ROBO2: variants seen among roughly 807,000 people sequenced by gnomAD.
The protein encoded by ROBO2 is roundabout homolog 2.
A neutral mutation model predicts 160.8 loss-of-function variants in ROBO2; 53 were observed. That is an observed-to-expected ratio of 0.33 (90% CI 0.26 to 0.41). The LOEUF is 0.41. Among genes scored for constraint, ROBO2 ranks in the 10% least tolerant of loss-of-function variants. ROBO2 has a pLI of 1.00. For synonymous variants in ROBO2, 664 were observed against 611.7 expected (o/e 1.09, Z -1.26); for missense variants, 1,577 against 1,722.4 (o/e 0.92, Z 1.49).
chr3:76,590,097 T>G (rs1343198469), intron 2 of ROBO2, among the ~76,000 whole-genome samples: 1 of 152,056 alleles, frequency 6.6e-6, no homozygotes, highest in East Asian at 1.9e-4. Context: ...TGTAATAGAC[T>G]CTCATGTATT....
At chr3:76,098,110 A>G (rs991416860) in intron 2 of ROBO2, among the ~76,000 whole-genome samples, 1 of 152,264 alleles carries the variant, frequency 6.6e-6, no homozygotes, top group East Asian at 1.9e-4. Context: ...CAGTGTCATC[A>G]TGTAGGTGTA....
intron 23 of ROBO2, among the ~76,000 whole-genome samples, chr3:77,623,794 T>C (rs940094052): frequency 6.6e-6 from 1 of 152,212 alleles, no homozygotes; most frequent in Non-Finnish European, 1.5e-5. Context: ...ATTTCACTAA[T>C]GATACTGAAC....
chr3:75,937,841 T>TTATATATATATACATATATA (rs1553704458), intron 2 of ROBO2, among the ~76,000 whole-genome samples: 2 of 105,524 alleles, frequency 1.9e-5, no homozygotes, highest in East Asian at 5.8e-4. Flanking sequence ...GGAATTGATT[T>TTATATATATATACATATATA]TATATATATA....
At chr3:76,592,290 T>TA (rs1295293457) in intron 2 of ROBO2, among the ~76,000 whole-genome samples, 3 of 152,096 alleles carry the variant, frequency 2.0e-5, no homozygotes, top group African/African-American at 7.2e-5. Flanking sequence ...TTATACTTTT[T>TA]AACCAATTCC....
chr3:76,652,129 C>G lies in ROBO2; in HGVS notation c.110-445885C>G, dbSNP rs554744845. On this transcript the variant is annotated intron_variant, in intron 2 of 26. Transcript: ENST00000487694. ...TTAGCCATTAGTAAAAGACTATGCTCTCATTAGGAGACCAAAGGCTAACTC... is the reference window on the plus strand; with the variant it reads ...TTAGCCATTAGTAAAAGACTATGCTGTCATTAGGAGACCAAAGGCTAACTC... Among the ~76,000 whole-genome samples the G allele has an allele frequency of 1.7e-4, 26 of 152,260 alleles. No individual in the cohort carries two copies. The South Asian group carries it at 3.9e-3, about 23-fold the overall frequency.
At chr3:76,655,438 C>CTATATATATATATATATATATATATATA (rs1192030281) in intron 2 of ROBO2, among the ~76,000 whole-genome samples, 11 of 14,986 alleles carry the variant, frequency 7.3e-4, no homozygotes, top group African/African-American at 1.3e-3. Flanking sequence ...GGATTTTTTT[C>CTATATATATATATATATATATATATATA]CATATATATA....
intron 2 of ROBO2, among the ~76,000 whole-genome samples, chr3:76,779,977 A>G (rs548123694): frequency 6.6e-6 from 1 of 150,934 alleles, no homozygotes; most frequent in South Asian, 2.1e-4. Flanking sequence ...ACTCCATAGT[A>G]TTTTCTATAA....
Position 77,277,157 on chromosome 3 carries a change from C to CTTCTTTCCTTCTTTCTTTCT in ROBO2, c.388+178824_388+178825insCTTCTTTCTTTCTTTCTTTC, listed in dbSNP as rs1553882840. 1.2e-3 allele frequency among the ~76,000 whole-genome samples: 107 copies of CTTCTTTCCTTCTTTCTTTCT among 88,186 alleles called. 1 individual carries two copies. The highest frequency in any genetic ancestry group is 1.7e-3 in the Non-Finnish European group (75 of 43,018). 57.9% of individuals were successfully genotyped at this position (88,186 alleles called of 152,430 possible). ...CCTTTCTTCCTTCTTTCCTTCTTTC[C>CTTCTTTCCTTCTTTCTTTCT]TTCTTTCTTTCTTTCTTTCTTTCTT... On this transcript the variant is annotated intron_variant, in intron 2 of 25. Transcript: ENST00000461745.
At chr3:76,758,706 G>T (rs1410728480) in intron 2 of ROBO2, among the ~76,000 whole-genome samples, 1 of 151,826 alleles carries the variant, frequency 6.6e-6, no homozygotes, top group African/African-American at 2.4e-5. Flanking sequence ...ACATATGGTT[G>T]ATAGGAATCT....
intron 2 of ROBO2, among the ~76,000 whole-genome samples, chr3:76,420,172 A>G (rs2075931459): frequency 6.6e-6 from 1 of 152,102 alleles, no homozygotes. Context: ...CTTGAATATT[A>G]TCATTACACT....
At chr3:76,589,578 C>T (rs2086284314) in intron 2 of ROBO2, among the ~76,000 whole-genome samples, 1 of 152,160 alleles carries the variant, frequency 6.6e-6, no homozygotes, top group Non-Finnish European at 1.5e-5. Context: ...AAACAATGTT[C>T]TCTAAACACT....
chr3:77,002,035 T>C (rs192323261), intron 2 of ROBO2, among the ~76,000 whole-genome samples: 23 of 152,268 alleles, frequency 1.5e-4, no homozygotes, highest in Middle Eastern at 3.4e-3. Context: ...TATGGTAATA[T>C]ACTTGTAGAA....
chr3:76,957,495 G>A (rs2079354216), intron 2 of ROBO2, among the ~76,000 whole-genome samples: 1 of 152,052 alleles, frequency 6.6e-6, no homozygotes, highest in African/African-American at 2.4e-5. Flanking sequence ...AATGTATGCA[G>A]ATATCTACTG....
intron 2 of ROBO2, among the ~76,000 whole-genome samples, chr3:77,196,450 A>G (rs1171879018): frequency 6.6e-6 from 1 of 151,852 alleles, no homozygotes; most frequent in East Asian, 1.9e-4. Context: ...GGTTTGAGAC[A>G]TATGCTTAAT....
chr3:77,164,886 T>TG lies in ROBO2; in HGVS notation c.388+66553dup, dbSNP rs1418799724. 2.1e-4 allele frequency among the ~76,000 whole-genome samples: 15 copies of TG among 72,620 alleles called. 1 individual carries two copies. The highest frequency in any genetic ancestry group is 4.7e-4 in the South Asian group (1 of 2,140). The allele number at this position is 72,620 out of a possible 152,430, so 47.6% of individuals were successfully genotyped here. A position where few individuals can be genotyped will look rare whatever the true frequency, so the allele number is the denominator to read the frequency against. On this transcript the variant is annotated intron_variant, in intron 2 of 25. Transcript: ENST00000461745. ...CCAGCCACCCCGTCCGGGAGGGAGG[T>TG]GGGGGGGTCAGCCCCCCGCCCGGCC...
At chr3:77,143,494 C>T (rs2076886172) in intron 2 of ROBO2, among the ~76,000 whole-genome samples, 1 of 152,092 alleles carries the variant, frequency 6.6e-6, no homozygotes, top group Admixed American at 6.5e-5. Context: ...CTGCGTCCGG[C>T]CCCACAGCTT....
At position 76,125,119 on chromosome 3, in the gene ROBO2, T is replaced by C. The variant is rs117564662; in HGVS notation, c.109+187517T>C. 4.3e-3 allele frequency among the ~76,000 whole-genome samples: 652 copies of C among 152,318 alleles called. 11 individuals are homozygous for C. The highest frequency in any genetic ancestry group is 0.028 in the Admixed American group (428 of 15,298). On this transcript the variant is annotated intron_variant, in intron 2 of 26. Coordinates refer to the ROBO2 transcript ENST00000487694. The stretch of plus-strand genomic sequence containing the variant: ...GGTATTTGGTTTTCTGTTCCTACAT[T>C]AATTTGTTTAGGATTATGGCTTCCA...
At chr3:76,823,756 A>AT (rs2066323655) in intron 2 of ROBO2, among the ~76,000 whole-genome samples, 2 of 152,188 alleles carry the variant, frequency 1.3e-5, no homozygotes, top group African/African-American at 4.8e-5. Flanking sequence ...ACATTTGGAT[A>AT]TGACACCAAT....
chr3:77,355,819 T>A lies in ROBO2; in HGVS notation c.389-121595T>A, dbSNP rs144823710. 5.1e-4 allele frequency among the ~76,000 whole-genome samples: 78 copies of A among 151,864 alleles called. No individual in the cohort carries two copies. The East Asian group carries it at 0.015, about 29-fold the overall frequency. On this transcript the variant is annotated intron_variant, in intron 2 of 25. Coordinates refer to ENST00000461745, the Ensembl canonical transcript of ROBO2. Reference sequence around the variant, plus strand: ...AGGTGAAGGACACCATAATCAAAACTGTAAAAGTAGTGTCAGCCAGGGAGA... The same window carrying A: ...AGGTGAAGGACACCATAATCAAAACAGTAAAAGTAGTGTCAGCCAGGGAGA...
Sources: allele counts gnomAD v4.1 joint callset (sites outside exome capture counted in the v4.1 genomes callset), GRCh38; gene constraint gnomAD v4.1.1; transcripts MANE v1.5; gene names NCBI Gene and HGNC (gene_info 2026-07-23, HGNC 2026-07-21).